DNAH7: variants seen among roughly 807,000 people sequenced by gnomAD.
The protein encoded by DNAH7 is axonemal beta dynein heavy chain 7.
Under a neutral mutation model 444.6 loss-of-function variants are expected in DNAH7, and 397 were observed. The ratio of observed to expected loss-of-function variants is 0.89; its 90% CI spans 0.82 to 0.97. The LOEUF (loss-of-function observed/expected upper bound fraction) is 0.97. DNAH7 is among the 50% of genes least tolerant of loss of function. The pLI, the probability that DNAH7 is intolerant of heterozygous loss-of-function variation, is 0.00. For missense variants in DNAH7, 4,902 were observed against 4,800.8 expected (o/e 1.02, Z -0.62); for synonymous variants, 1,636 against 1,624.4 (o/e 1.01, Z -0.17).
chr2:196,013,277 A>C (rs1222919491), intron 9 of DNAH7, among the ~76,000 whole-genome samples: 1 of 152,146 alleles, frequency 6.6e-6, no homozygotes, highest in Non-Finnish European at 1.5e-5. Flanking sequence ...AGCCTCTCTG[A>C]AAAGAAAGTG....
At chr2:195,949,738 G>A (rs764722919) in intron 19 of DNAH7, among the ~76,000 whole-genome samples, 3 of 152,224 alleles carry the variant, frequency 2.0e-5, no homozygotes, top group Middle Eastern at 3.4e-3. Flanking sequence ...TTGGCTGTGG[G>A]TTTGTCATAA....
intron 57 of DNAH7, among the ~76,000 whole-genome samples, chr2:195,790,284 T>C (rs1695818160): frequency 3.9e-5 from 6 of 152,168 alleles, no homozygotes; most frequent in Admixed American, 3.3e-4. Flanking sequence ...ACCATTCCTA[T>C]CAAACTATCA....
chr2:196,005,275 AAAACAAACAAAC>A (rs757539066), intron 10 of DNAH7, among the ~76,000 whole-genome samples: 2 of 148,970 alleles, frequency 1.3e-5, no homozygotes. Flanking sequence ...CTCCATCTCC[AAAACAAACAAAC>A]AAACAAACAA....
chr2:196,047,043 C>A (rs1697174904), intron 5 of DNAH7, among the ~76,000 whole-genome samples: 2 of 151,402 alleles, frequency 1.3e-5, no homozygotes, highest in Admixed American at 1.3e-4. Flanking sequence ...ATCACCTGAG[C>A]AGATGAGATT....
chr2:195,941,652 A>C (rs144471172), intron 19 of DNAH7, among the ~76,000 whole-genome samples: 1 of 152,096 alleles, frequency 6.6e-6, no homozygotes, highest in African/African-American at 2.4e-5. Context: ...TGCCTGGTAA[A>C]TTTCTGGGAG....
Position 195,960,261 on chromosome 2 carries a change from T to A in DNAH7, c.2890A>T (p.Arg964Ter), listed in dbSNP as rs1436207159. 6.3e-7 allele frequency: 1 copy of A among 1,598,524 alleles called. No homozygotes were observed. Among genetic ancestry groups the A allele is most frequent in the Non-Finnish European group, 8.5e-7 (1 of 1,172,260 alleles). The change falls in exon 18 of 65, where the codon AGA (arginine) becomes TGA (stop). Residue 964 changes from arginine to a stop codon, truncating the protein, a stop_gained and splice_region_variant. Transcript: ENST00000312428. LOFTEE classifies it high-confidence loss of function. ...PFIKPYEKQMREWEGKLLLLQ... is the reference protein window; with the variant it reads ...PFIKPYEKQM The stretch of plus-strand genomic sequence containing the variant: ...ATTGCCATATAAATATCACTTTACC[T>A]CATTTGTTTTTCATAAGGCTTAATG...
In DNAH7 at chr2:195,858,630, A is replaced by G. The variant is rs748444727; in HGVS notation, c.7911T>C (p.Val2637=). Residue 2637 remains valine, a synonymous_variant, in exon 43 of 65, where the codon GTT becomes GTC. Transcript: ENST00000312428. ...MIMIEKESVE[V]AKTEKIVKAD... ...CTTTCACTATTTTTTCAGTTTTGGC[A>G]ACTTCTACAGACTCTTTCTCAATCA... 6.2e-7 allele frequency: 1 copy of G among 1,614,000 alleles called. No individual in the cohort carries two copies. Among genetic ancestry groups the G allele is most frequent in the Non-Finnish European group, 8.5e-7 (1 of 1,179,942 alleles).
chr2:195,958,733 TTACAAG>T (rs1690870808), intron 18 of DNAH7, among the ~76,000 whole-genome samples: 1 of 152,212 alleles, frequency 6.6e-6, no homozygotes, highest in South Asian at 2.1e-4. Context: ...ACTAATAATT[TTACAAG>T]TACATTTCTA....
At chr2:196,047,962 A>C (rs912969284) in intron 4 of DNAH7, among the ~76,000 whole-genome samples, 1 of 152,054 alleles carries the variant, frequency 6.6e-6, no homozygotes, top group African/African-American at 2.4e-5. Flanking sequence ...TAAAACCCAC[A>C]AAAAATTTTA....
At chr2:195,776,455 A>C (rs1695066637) in intron 59 of DNAH7, among the ~76,000 whole-genome samples, 1 of 152,148 alleles carries the variant, frequency 6.6e-6, no homozygotes, top group Non-Finnish European at 1.5e-5. Context: ...AAAAAAAAGA[A>C]AAGAGGAAAA....
At chr2:195,862,116 G>C (rs1700053681) in intron 41 of DNAH7, among the ~76,000 whole-genome samples, 170 bp from the exon 42 acceptor site, 1 of 152,134 alleles carries the variant, frequency 6.6e-6, no homozygotes, top group Non-Finnish European at 1.5e-5. Flanking sequence ...GCATACTTAG[G>C]GGAGGGAGCC....
intron 55 of DNAH7, among the ~76,000 whole-genome samples, chr2:195,798,378 C>G (rs1574454958): frequency 6.6e-6 from 1 of 152,178 alleles, no homozygotes; most frequent in East Asian, 1.9e-4. Flanking sequence ...CATTACCACA[C>G]TGTGTTATTT....
intron 63 of DNAH7, among the ~76,000 whole-genome samples, chr2:195,745,686 G>A (rs1430469439): frequency 1.3e-5 from 2 of 152,266 alleles, no homozygotes; most frequent in Non-Finnish European, 2.9e-5. Context: ...CCAGAAGAGA[G>A]TGGGGGCCAA....
rs1559199353 is a variant in DNAH7 at position 195,897,691 on chromosome 2, T to C, written c.4623A>G (p.Leu1541=). 2 of 1,601,900 alleles carry C rather than the reference T, an allele frequency of 1.2e-6. No homozygotes were observed. The highest frequency in any genetic ancestry group is 2.7e-5 in the African/African-American group (2 of 74,138). Residue 1541 remains leucine, a synonymous_variant, in exon 29 of 65, where the codon TTA becomes TTG. Coordinates refer to ENST00000312428, the MANE Select transcript of DNAH7 (RefSeq NM_018897.3). ...CCTCAAAGAGTGGTAAATCATGGGA[T>C]AAAAATTTTGGCAGATTTACATCAA... ...SIIDVNLPKF[L]SHDLPLFEGI...
intron 54 of DNAH7, among the ~76,000 whole-genome samples, chr2:195,800,688 A>G (rs1696404331): frequency 6.6e-6 from 1 of 152,166 alleles, no homozygotes; most frequent in African/African-American, 2.4e-5. Flanking sequence ...CATCAAACAA[A>G]TATTTTGACA....
intron 47 of DNAH7, 83 bp downstream of exon 47, chr2:195,844,919 T>C: frequency 8.0e-7 from 1 of 1,253,426 alleles, no homozygotes. Context: ...TGTAAAAGTT[T>C]GCTACCTAAA....
At chr2:196,015,404 A>C (rs1448392020) in intron 9 of DNAH7, among the ~76,000 whole-genome samples, 2 of 152,140 alleles carry the variant, frequency 1.3e-5, no homozygotes, top group Non-Finnish European at 2.9e-5. Flanking sequence ...TCAAATAATA[A>C]ATTTTTAAAA....
intron 49 of DNAH7, among the ~76,000 whole-genome samples, chr2:195,821,406 C>G (rs1697464715): frequency 6.6e-6 from 1 of 151,992 alleles, no homozygotes; most frequent in African/African-American, 2.4e-5. Flanking sequence ...GCAAACCTAC[C>G]CCTGAAATCA....
At chr2:195,825,606 C>T (rs1412210073) in intron 48 of DNAH7, among the ~76,000 whole-genome samples, 5 of 152,122 alleles carry the variant, frequency 3.3e-5, no homozygotes, top group Admixed American at 6.5e-5. Context: ...AGAATATTTT[C>T]CTCTGATAGC....
Sources: allele counts gnomAD v4.1 joint callset (sites outside exome capture counted in the v4.1 genomes callset), GRCh38; gene constraint gnomAD v4.1.1; transcripts MANE v1.5; gene names NCBI Gene and HGNC (gene_info 2026-07-23, HGNC 2026-07-21).